CARMIL1: variants seen among roughly 807,000 people sequenced by gnomAD.
CARMIL1 encodes the protein capping protein regulator and myosin 1 linker 1.
Under a neutral mutation model 177.1 loss-of-function variants are expected in CARMIL1, and 90 were observed. That is an observed-to-expected ratio of 0.51 (90% CI 0.43 to 0.61). The LOEUF is 0.61. Among genes scored for constraint, CARMIL1 ranks in the 20% least tolerant of loss-of-function variants. CARMIL1 has a pLI of 0.00. For synonymous variants in CARMIL1, 577 were observed against 606.2 expected (o/e 0.95, Z 0.71); for missense variants, 1,380 against 1,667.0 (o/e 0.83, Z 3.00).
At chr6:25,324,648 A>G (rs1423564591) in intron 2 of CARMIL1, among the ~76,000 whole-genome samples, 1 of 152,168 alleles carries the variant, frequency 6.6e-6, no homozygotes, top group Non-Finnish European at 1.5e-5. Context: ...TTGGGAGTAA[A>G]GCAACAAGCA....
chr6:25,566,984 C>G (rs1245645326), intron 29 of CARMIL1, among the ~76,000 whole-genome samples: 2 of 152,176 alleles, frequency 1.3e-5, no homozygotes, highest in Non-Finnish European at 2.9e-5. Context: ...TAAAACCACC[C>G]ACCCACTGTA....
chr6:25,439,806 C>G (rs1797568512), intron 5 of CARMIL1, among the ~76,000 whole-genome samples: 2 of 152,136 alleles, frequency 1.3e-5, no homozygotes, highest in Admixed American at 1.3e-4. Flanking sequence ...CTAGCGCACT[C>G]TGAGGGATTA....
At chr6:25,410,076 AC>A (rs371418369) in intron 2 of CARMIL1, among the ~76,000 whole-genome samples, 320 of 139,994 alleles carry the variant, frequency 2.3e-3, no homozygotes, top group African/African-American at 7.8e-3. Context: ...ATCTAAATCA[AC>A]CCCCCCCGCC....
At chr6:25,434,015 C>A (rs12195837) in intron 4 of CARMIL1, among the ~76,000 whole-genome samples, 1 of 152,132 alleles carries the variant, frequency 6.6e-6, no homozygotes, top group Non-Finnish European at 1.5e-5. Flanking sequence ...AGGAAGTAAA[C>A]GTGTGCAGAT....
rs921941684 is a variant in CARMIL1 at position 25,434,571 on chromosome 6, T to A, written c.250-912T>A. 3.4e-5 allele frequency among the ~76,000 whole-genome samples: 5 copies of A among 146,140 alleles called. No individual in the cohort carries two copies. The East Asian group carries it at 1.0e-3, about 30-fold the overall frequency. ...ACGGAGTCTTGCTCTGTCATCAGGC[T>A]GGAGTGCAGTGGCACGATCTCGGCT... On this transcript the variant is annotated intron_variant, in intron 4 of 36. Transcript: ENST00000329474.
rs1477970820 is a variant in CARMIL1 at position 25,606,137 on chromosome 6, C to T, written c.3711C>T (p.Pro1237=). 6.2e-7 allele frequency: 1 copy of T among 1,613,964 alleles called. No homozygotes were observed. The highest frequency in any genetic ancestry group is 2.2e-5 in the East Asian group (1 of 44,882). The change falls in exon 35 of 37, where the codon CCC becomes CCT. Residue 1237 remains proline, a synonymous_variant. Coordinates refer to ENST00000329474, the MANE Select transcript of CARMIL1 (RefSeq NM_017640.6). ...GTPEKNTKAE[P]KAEAGSRSRS... ...CAGAAAAGAATACCAAAGCAGAACCCAAAGCGGAAGCAGGCTCCAGGTCTC... is the reference window on the plus strand; with the variant it reads ...CAGAAAAGAATACCAAAGCAGAACCTAAAGCGGAAGCAGGCTCCAGGTCTC...
At chr6:25,584,059 A>C (rs1582437159) in intron 31 of CARMIL1, among the ~76,000 whole-genome samples, 1 of 122,582 alleles carries the variant, frequency 8.2e-6, no homozygotes, top group African/African-American at 3.2e-5. Flanking sequence ...ACAGGTTCTC[A>C]CTCTGTGACC....
chr6:25,346,817 C>A (rs1410807428), intron 2 of CARMIL1, among the ~76,000 whole-genome samples: 2 of 152,082 alleles, frequency 1.3e-5, no homozygotes, highest in Non-Finnish European at 2.9e-5. Context: ...ATTTCATGTT[C>A]CCTCTTAAAG....
intron 32 of CARMIL1, among the ~76,000 whole-genome samples, chr6:25,596,395 A>C (rs1814852282): frequency 6.6e-6 from 1 of 152,182 alleles, no homozygotes; most frequent in African/African-American, 2.4e-5. Context: ...AAGTTTGAAA[A>C]TCAAAGTTAT....
chr6:25,491,527 T>G (rs1395399066), intron 13 of CARMIL1, among the ~76,000 whole-genome samples: 1 of 152,230 alleles, frequency 6.6e-6, no homozygotes, highest in East Asian at 1.9e-4. Flanking sequence ...TTGGCCTTTT[T>G]TTAACTCAAA....
intron 2 of CARMIL1, among the ~76,000 whole-genome samples, chr6:25,337,033 A>G (rs1032298670): frequency 1.3e-5 from 2 of 152,214 alleles, no homozygotes; most frequent in East Asian, 1.9e-4. Flanking sequence ...TGTTTAAACT[A>G]TATGCCTGCT....
At chr6:25,407,535 G>A (rs1049354395) in intron 2 of CARMIL1, among the ~76,000 whole-genome samples, 4 of 152,148 alleles carry the variant, frequency 2.6e-5, no homozygotes, top group Non-Finnish European at 5.9e-5. Context: ...TCTCTGTGAA[G>A]TAGGAGGGAA....
At chr6:25,394,984 T>G (rs1793239880) in intron 2 of CARMIL1, among the ~76,000 whole-genome samples, 1 of 152,232 alleles carries the variant, frequency 6.6e-6, no homozygotes, top group South Asian at 2.1e-4. Context: ...CTATTTATGG[T>G]AAGGTGTATC....
In CARMIL1 at chr6:25,452,130, T is replaced by A. The variant is rs2150864857; in HGVS notation, c.614+1419T>A. The A allele has an allele frequency of 3.9e-6, 3 of 764,810 alleles. No individual in the cohort carries two copies. The South Asian group carries it at 4.0e-5, about 10-fold the overall frequency. The allele number at this position is 764,810 out of a possible 1,614,324, so 47.4% of individuals were successfully genotyped here. A position where few individuals can be genotyped will look rare whatever the true frequency, so the allele number is the denominator to read the frequency against. ...AAGTATACTAGCTGGATATACCTCC[T>A]CTTTGCACAGCCTGGGACTACGGAA... On this transcript the variant is annotated intron_variant, in intron 8 of 36. Coordinates refer to ENST00000329474, the MANE Select transcript of CARMIL1 (RefSeq NM_017640.6).
intron 2 of CARMIL1, among the ~76,000 whole-genome samples, chr6:25,357,517 G>T (rs1291916532): frequency 6.6e-6 from 1 of 152,230 alleles, no homozygotes; most frequent in Non-Finnish European, 1.5e-5. Context: ...CTGGGAAGCA[G>T]AGGTTGCAGT....
chr6:25,365,995 G>A (rs1048756103), intron 2 of CARMIL1, among the ~76,000 whole-genome samples: 23 of 151,874 alleles, frequency 1.5e-4, no homozygotes, highest in African/African-American at 5.1e-4. Flanking sequence ...GTCCATTTAC[G>A]TATGTATGTA....
rs575551356 is a variant in CARMIL1 at position 25,396,615 on chromosome 6, G to A, written c.139-23499G>A. ...GACCTCAAGTGATCTGCCCGCCTCG[G>A]CCTCCCAAAGTGCTGGGATTACAGG... On this transcript the variant is annotated intron_variant, in intron 2 of 36. Transcript: ENST00000329474. 2.0e-3 allele frequency among the ~76,000 whole-genome samples: 303 copies of A among 152,250 alleles called. 7 individuals carry two copies. The South Asian group carries it at 0.021, about 11-fold the overall frequency.
At chr6:25,293,216 C>T (rs1782116674) in intron 2 of CARMIL1, among the ~76,000 whole-genome samples, 1 of 150,184 alleles carries the variant, frequency 6.7e-6, no homozygotes, top group South Asian at 2.1e-4. Flanking sequence ...AGACCACTTT[C>T]CCCAGCTCTT....
At chr6:25,432,793 G>A (rs984117329) in intron 4 of CARMIL1, 1 of 152,134 alleles carries the variant, frequency 6.6e-6, no homozygotes, top group African/African-American at 2.4e-5. Context: ...GTTAGCTGGG[G>A]ATTAGTAAAA....
Sources: gnomAD v4.1 joint callset for allele counts (sites outside exome capture counted in the v4.1 genomes callset) on GRCh38, gnomAD v4.1.1 for gene constraint, MANE v1.5 for transcripts, NCBI Gene and HGNC (gene_info 2026-07-23, HGNC 2026-07-21) for gene names.